PI4K2B: variants seen among roughly 807,000 people sequenced by gnomAD.
PI4K2B encodes the protein phosphatidylinositol 4-kinase type 2-beta.
Under a neutral mutation model 56.6 loss-of-function variants are expected in PI4K2B, and 46 were observed. The ratio of observed to expected loss-of-function variants is 0.81; its 90% CI spans 0.64 to 1.04. PI4K2B has a LOEUF of 1.04. Among genes scored for constraint, PI4K2B ranks in the 50% least tolerant of loss-of-function variants. The pLI, the probability that PI4K2B is intolerant of heterozygous loss-of-function variation, is 0.00. For missense variants in PI4K2B, 556 were observed against 607.7 expected (o/e 0.91, Z 0.89); for synonymous variants, 211 against 223.8 (o/e 0.94, Z 0.51).
chr4:25,235,576 C>T (rs1715226873), intron 1 of PI4K2B, among the ~76,000 whole-genome samples: 2 of 152,154 alleles, frequency 1.3e-5, no homozygotes. Context: ...CGTCTGCTCC[C>T]GTTATAATGT....
At chr4:25,235,446 T>C (rs574126242) in intron 1 of PI4K2B, among the ~76,000 whole-genome samples, 1 of 152,374 alleles carries the variant, frequency 6.6e-6, no homozygotes, top group African/African-American at 2.4e-5. Flanking sequence ...GTTTAAAGAA[T>C]TTTGGATAGA....
Position 25,255,181 on chromosome 4 carries a change from G to T in PI4K2B, c.540G>T (p.Leu180=). The T allele has an allele frequency of 6.2e-7, 1 of 1,614,170 alleles. No individual in the cohort carries two copies. Among genetic ancestry groups the T allele is most frequent in the Non-Finnish European group, 8.5e-7 (1 of 1,180,024 alleles). Residue 180 remains leucine, a synonymous_variant, in exon 3 of 10, where the codon CTG becomes CTT. Transcript: ENST00000264864. ...CCPCCFGRGC[L]IPNQGYLSEA... is the part of the protein sequence containing the mutation. ...CTTGCTGCTTTGGCCGAGGCTGCCT[G>T]ATTCCTAATCAGGGGTACCTTTCCG...
chr4:25,273,155 GTAA>G (rs1560381409), intron 9 of PI4K2B, among the ~76,000 whole-genome samples: 2 of 151,596 alleles, frequency 1.3e-5, no homozygotes, highest in African/African-American at 2.4e-5. Flanking sequence ...TTCAGAGCTG[GTAA>G]TAATGTTTAT....
In PI4K2B at chr4:25,242,109, G is replaced by T. The variant is rs997189927; in HGVS notation, c.268+7678G>T. Among the ~76,000 whole-genome samples, 9 of 152,182 alleles carry T rather than the reference G, an allele frequency of 5.9e-5. No individual in the cohort carries two copies. In the East Asian group the frequency reaches 1.5e-3, roughly 26 times the overall value. ...TAGGCTGTATTCGTTCCTTGCTGAGGGCCCTGGTCCCTCTGGCTAAGATTA... is the reference window on the plus strand; with the variant it reads ...TAGGCTGTATTCGTTCCTTGCTGAGTGCCCTGGTCCCTCTGGCTAAGATTA... On this transcript the variant is annotated intron_variant, in intron 1 of 9. Transcript: ENST00000264864.
intron 1 of PI4K2B, among the ~76,000 whole-genome samples, chr4:25,251,092 T>C (rs1716031120): frequency 6.6e-6 from 1 of 152,060 alleles, no homozygotes; most frequent in African/African-American, 2.4e-5. Context: ...TTGAATACAG[T>C]TGTCGAGTTT....
chr4:25,270,626 G>C (rs901135509), intron 9 of PI4K2B, among the ~76,000 whole-genome samples: 1 of 152,074 alleles, frequency 6.6e-6, no homozygotes, highest in Non-Finnish European at 1.5e-5. Flanking sequence ...GATTACAGGT[G>C]TGTGCCACCG....
At chr4:25,259,316 G>C in intron 5 of PI4K2B, 126 bp downstream of exon 5, 1 of 643,498 alleles carries the variant, frequency 1.6e-6, no homozygotes, top group Non-Finnish European at 2.7e-6. Context: ...GTCTGTCTTG[G>C]CAAACAGATG....
chr4:25,250,046 C>T (rs374753609), intron 1 of PI4K2B, among the ~76,000 whole-genome samples: 69 of 152,174 alleles, frequency 4.5e-4, no homozygotes, highest in African/African-American at 1.5e-3. Context: ...GGCGAAACCC[C>T]GTCTCCACCA....
intron 7 of PI4K2B, among the ~76,000 whole-genome samples, chr4:25,265,685 T>C (rs1716641203): frequency 6.6e-6 from 1 of 152,238 alleles, no homozygotes; most frequent in Non-Finnish European, 1.5e-5. Flanking sequence ...TCTAAGAAAC[T>C]GTTCATTGTT....
intron 1 of PI4K2B, among the ~76,000 whole-genome samples, chr4:25,250,071 C>T (rs977898352): frequency 1.3e-5 from 2 of 152,164 alleles, no homozygotes; most frequent in African/African-American, 4.8e-5. Flanking sequence ...ATACGAAAAC[C>T]AGTCAGGCGT....
chr4:25,271,439 G>A (rs959693993), intron 9 of PI4K2B, among the ~76,000 whole-genome samples: 7 of 152,144 alleles, frequency 4.6e-5, no homozygotes, highest in African/African-American at 1.4e-4. Context: ...CCTCAAAAAA[G>A]TTAAGGACTA....
chr4:25,263,088 AACTC>A (rs1277313725), intron 6 of PI4K2B, among the ~76,000 whole-genome samples: 1 of 152,124 alleles, frequency 6.6e-6, no homozygotes, highest in African/African-American at 2.4e-5. Flanking sequence ...ATCTCATGAG[AACTC>A]ACTCACTGTC....
chr4:25,238,890 C>A (rs752414871), intron 1 of PI4K2B, among the ~76,000 whole-genome samples: 9 of 152,136 alleles, frequency 5.9e-5, no homozygotes, highest in Non-Finnish European at 1.3e-4. Context: ...CTTATCTGGC[C>A]CCACCCACAT....
Position 25,277,147 on chromosome 4 carries a change from A to G in PI4K2B, c.1406A>G (p.Gln469Arg), listed in dbSNP as rs1316611977. The stretch of plus-strand genomic sequence containing the variant: ...GTCCACCTGAGCAATTCCTTTACCC[A>G]GACTGTCAATTGCAGGAAGCCATTT... The part of the protein sequence containing the change: ...RIVHLSNSFT[Q>R]TVNCRKPFFS... The change falls in exon 10 of 10, where the codon CAG becomes CGG. Residue 469 changes from glutamine to arginine, a missense_variant. Coordinates refer to ENST00000264864, the MANE Select transcript of PI4K2B (RefSeq NM_018323.4). 1.2e-6 allele frequency: 2 copies of G among 1,613,056 alleles called. No homozygotes were observed. The highest frequency in any genetic ancestry group is 3.3e-5 in the Admixed American group (2 of 59,952).
intron 1 of PI4K2B, 32 bp downstream of exon 1, chr4:25,234,463 C>T (rs1715153865): frequency 8.0e-7 from 1 of 1,248,432 alleles, no homozygotes; most frequent in Non-Finnish European, 1.0e-6. Flanking sequence ...CTCCCCGCGC[C>T]CCTCCGGGCG....
intron 1 of PI4K2B, 42 bp downstream of exon 1, chr4:25,234,473 G>C (rs564460262): frequency 3.2e-6 from 4 of 1,231,390 alleles, no homozygotes; most frequent in South Asian, 6.3e-5. Context: ...CCCTCCGGGC[G>C]GCTGCCCCTG....
chr4:25,252,277 C>T, intron 1 of PI4K2B, 44 bp from the exon 2 acceptor site: 1 of 1,444,000 alleles, frequency 6.9e-7, no homozygotes, highest in Non-Finnish European at 9.7e-7. Flanking sequence ...ATTACAGGTC[C>T]ATATCATGAG....
intron 9 of PI4K2B, among the ~76,000 whole-genome samples, chr4:25,270,634 C>T (rs1041776532): frequency 2.0e-5 from 3 of 152,180 alleles, no homozygotes; most frequent in Non-Finnish European, 4.4e-5. Context: ...GTGTGTGCCA[C>T]CGTGCCCAGC....
At chr4:25,269,800 G>A (rs1414050081) in intron 9 of PI4K2B, among the ~76,000 whole-genome samples, 5 of 151,134 alleles carry the variant, frequency 3.3e-5, no homozygotes, top group Admixed American at 3.3e-4. Context: ...TGCAAGCTCC[G>A]CCTCCCAGGT....
Sources: allele counts gnomAD v4.1 joint callset (sites outside exome capture counted in the v4.1 genomes callset), GRCh38; gene constraint gnomAD v4.1.1; transcripts MANE v1.5; gene names NCBI Gene and HGNC (gene_info 2026-07-23, HGNC 2026-07-21).